DAPK1: variants seen among roughly 807,000 people sequenced by gnomAD.
DAPK1 encodes the protein death-associated protein kinase 1.
DAPK1 carries 56 observed loss-of-function variants against 144.9 expected under a neutral mutation model. That is an observed-to-expected ratio of 0.39 (90% CI 0.31 to 0.48). The LOEUF is 0.48. DAPK1 is among the 20% of genes least tolerant of loss of function. The pLI is 0.95. For missense variants in DAPK1, 1,454 were observed against 1,875.4 expected (o/e 0.78, Z 4.15); for synonymous variants, 690 against 749.0 (o/e 0.92, Z 1.29).
At chr9:87,605,989 T>C (rs977961619) in intron 3 of DAPK1, among the ~76,000 whole-genome samples, 1 of 152,182 alleles carries the variant, frequency 6.6e-6, no homozygotes, top group South Asian at 2.1e-4. Flanking sequence ...GAGGGGCGGA[T>C]GGAACCAAAG....
intron 2 of DAPK1, among the ~76,000 whole-genome samples, chr9:87,585,693 T>C (rs903717021): frequency 1.3e-5 from 2 of 152,228 alleles, no homozygotes; most frequent in Non-Finnish European, 2.9e-5. Flanking sequence ...ATAATTAAGC[T>C]ATGTCCTAGT....
In DAPK1 at chr9:87,498,805, C is replaced by T. The variant is rs113439558; in HGVS notation, c.-108-165C>T. Among the ~76,000 whole-genome samples the T allele has an allele frequency of 5.1e-3, 779 of 152,178 alleles. 2 individuals are homozygous for T. The highest frequency in any genetic ancestry group is 6.8e-3 in the Non-Finnish European group (465 of 67,988). ...CGCGGGGCTGAGGGGTCGGGGGCGT[C>T]CCTGGCCGCCCAGCTTTAACAAAGG... is the stretch of plus-strand genomic sequence containing the variant. On this transcript the variant is annotated intron_variant, in intron 1 of 25. Coordinates refer to ENST00000408954, the MANE Select transcript of DAPK1 (RefSeq NM_004938.4).
chr9:87,624,122 G>A (rs1829406143), intron 3 of DAPK1, among the ~76,000 whole-genome samples: 1 of 152,208 alleles, frequency 6.6e-6, no homozygotes, highest in Admixed American at 6.5e-5. Flanking sequence ...ATTAGGACAA[G>A]GCTCAGCAGG....
intron 3 of DAPK1, chr9:87,632,588 G>T: frequency 2.0e-6 from 2 of 976,762 alleles, no homozygotes; most frequent in Non-Finnish European, 2.4e-6. Context: ...AGGGATGAAG[G>T]AGGATGAGTA....
intron 2 of DAPK1, among the ~76,000 whole-genome samples, chr9:87,527,100 C>G (rs1825539628): frequency 6.6e-6 from 1 of 152,206 alleles, no homozygotes; most frequent in Admixed American, 6.5e-5. Context: ...CTGATGGAAA[C>G]AAAATTCCAT....
chr9:87,577,157 C>CTG (rs1827590832), intron 2 of DAPK1, among the ~76,000 whole-genome samples: 1 of 152,164 alleles, frequency 6.6e-6, no homozygotes, highest in South Asian at 2.1e-4. Flanking sequence ...ACCTAAGAAG[C>CTG]TGTGTGTGTA....
At position 87,639,356 on chromosome 9, in the gene DAPK1, T is replaced by G; in HGVS notation, c.426T>G (p.Pro142=). ...SLQIAHFDLK[P]ENIMLLDRNV... Reference sequence around the variant, plus strand: ...TTTATCTCTCTCTTTTTTTCAAGCCTGAGAACATAATGCTTTTGGATAGAA... The same window carrying G: ...TTTATCTCTCTCTTTTTTTCAAGCCGGAGAACATAATGCTTTTGGATAGAA... The change falls in exon 5 of 26, where the codon CCT becomes CCG. Residue 142 remains proline (P), a splice_region_variant and synonymous_variant. Coordinates refer to ENST00000408954, the MANE Select transcript of DAPK1 (RefSeq NM_004938.4). The G allele has an allele frequency of 6.2e-7, 1 of 1,604,898 alleles. No individual in the cohort carries two copies. Among genetic ancestry groups the G allele is most frequent in the Non-Finnish European group, 8.5e-7 (1 of 1,177,332 alleles).
chr9:87,576,599 C>T (rs887462830), intron 2 of DAPK1, among the ~76,000 whole-genome samples: 1 of 152,140 alleles, frequency 6.6e-6, no homozygotes, highest in Non-Finnish European at 1.5e-5. Flanking sequence ...TCTCTATTTC[C>T]CAGGCTGGAG....
At chr9:87,630,542 A>G (rs961780193) in intron 3 of DAPK1, among the ~76,000 whole-genome samples, 1 of 152,034 alleles carries the variant, frequency 6.6e-6, no homozygotes, top group African/African-American at 2.4e-5. Flanking sequence ...AAAGAGAGAG[A>G]TGAGAGTGTG....
chr9:87,601,895 T>C (rs1022180691), intron 2 of DAPK1, among the ~76,000 whole-genome samples: 1 of 152,190 alleles, frequency 6.6e-6, no homozygotes, highest in African/African-American at 2.4e-5. Context: ...CTCAGGGTTA[T>C]AGATTCAGGC....
In DAPK1 at chr9:87,648,850, T is replaced by G. The variant is rs748008180; in HGVS notation, c.1399T>G (p.Phe467Val). ...HADVAQLLCS[F>V]GSNPNIQDKE... is the part of the protein sequence containing the mutation. The stretch of plus-strand genomic sequence containing the variant: ...TGACGTGGCTCAGTTACTGTGCAGC[T>G]TCGGCTCAAATCCCAATATCCAGGA... The change falls in exon 15 of 26, where the codon TTC (phenylalanine) becomes GTC (valine). Residue 467 changes from phenylalanine (F) to valine (V), a missense_variant. Coordinates refer to ENST00000408954, the MANE Select transcript of DAPK1 (RefSeq NM_004938.4). 1 of 1,614,238 alleles carries G rather than the reference T, an allele frequency of 6.2e-7. No homozygotes were observed. Among genetic ancestry groups the G allele is most frequent in the South Asian group, 1.1e-5 (1 of 91,086 alleles).
At position 87,650,127 on chromosome 9, in the gene DAPK1, T is replaced by G. The variant is rs779930904; in HGVS notation, c.1626+9T>G. ...TTAATGCTTGCGACAAGGTGCCTTA[T>G]GGGGGAAGACTCATATGCACTGGGA... is the stretch of plus-strand genomic sequence containing the variant. On this transcript the variant is annotated intron_variant, in intron 16 of 25. Transcript: ENST00000408954. The G allele has an allele frequency of 3.3e-5, 53 of 1,613,648 alleles. 1 individual carries two copies. The highest frequency in any genetic ancestry group is 4.1e-5 in the Non-Finnish European group (48 of 1,179,930).
intron 2 of DAPK1, among the ~76,000 whole-genome samples, chr9:87,552,842 T>C (rs1983971): frequency 0.19 from 28,820 of 151,674 alleles, 4,181 homozygotes; most frequent in African/African-American, 0.39. Context: ...CTCAAGCGAT[T>C]CTCCCACACA....
In DAPK1 at chr9:87,657,912, G is replaced by A. The variant is rs908807012; in HGVS notation, c.1825-117G>A. The A allele has an allele frequency of 4.3e-6, 3 of 704,518 alleles. No homozygotes were observed. The African/African-American group carries it at 5.3e-5, about 12-fold the overall frequency. The allele number at this position is 704,518 out of a possible 1,614,324, so 43.6% of individuals were successfully genotyped here. On this transcript the variant is annotated intron_variant, in intron 17 of 25. Coordinates refer to ENST00000408954, the MANE Select transcript of DAPK1 (RefSeq NM_004938.4). ...GAGCAAGTTTCAGGAGAAGGGAGATGGCTCCTTCCTCCTTTCTGGTGGGCC... is the reference window on the plus strand; with the variant it reads ...GAGCAAGTTTCAGGAGAAGGGAGATAGCTCCTTCCTCCTTTCTGGTGGGCC...
At position 87,596,381 on chromosome 9, in the gene DAPK1, G is replaced by A. The variant is rs529909597; in HGVS notation, c.63-8573G>A. On this transcript the variant is annotated intron_variant, in intron 2 of 25. Transcript: ENST00000408954. Reference sequence around the variant, plus strand: ...TCCCAGGGTGGAGATCTGCTTCACCGCAGAGACTGGGGAAGGTAAAGTTGG... The same window carrying A: ...TCCCAGGGTGGAGATCTGCTTCACCACAGAGACTGGGGAAGGTAAAGTTGG... Among the ~76,000 whole-genome samples, 52 of 152,292 alleles carry A rather than the reference G, an allele frequency of 3.4e-4. 1 individual carries two copies. The South Asian group carries it at 9.5e-3, about 28-fold the overall frequency.
At chr9:87,648,732 G>A (rs776621659) in intron 14 of DAPK1, 49 bp from the exon 15 acceptor site, 4 of 1,536,784 alleles carry the variant, frequency 2.6e-6, no homozygotes, top group South Asian at 1.1e-5. Context: ...GGTCTCCATA[G>A]CCTGCTCACA....
intron 25 of DAPK1, among the ~76,000 whole-genome samples, chr9:87,704,477 G>C (rs1825564930): frequency 6.6e-6 from 1 of 152,092 alleles, no homozygotes; most frequent in Non-Finnish European, 1.5e-5. Flanking sequence ...ATTGGCCCCG[G>C]GCCTCCTCCA....
chr9:87,564,869 G>A (rs1345174159), intron 2 of DAPK1, among the ~76,000 whole-genome samples: 1 of 152,168 alleles, frequency 6.6e-6, no homozygotes, highest in Admixed American at 6.5e-5. Flanking sequence ...CACAGCCAGT[G>A]CCACTGGCTA....
intron 2 of DAPK1, among the ~76,000 whole-genome samples, chr9:87,557,757 A>G (rs1295807519): frequency 2.0e-5 from 3 of 152,226 alleles, no homozygotes; most frequent in Non-Finnish European, 4.4e-5. Context: ...CCTGGCCAAC[A>G]TGGTGAAACC....
Sources: gnomAD v4.1 joint callset for allele counts (sites outside exome capture counted in the v4.1 genomes callset) on GRCh38, gnomAD v4.1.1 for gene constraint, MANE v1.5 for transcripts, NCBI Gene and HGNC (gene_info 2026-07-23, HGNC 2026-07-21) for gene names.